The following FRMPD4 variants were observed in gnomAD, a reference collection of about 807,000 sequenced individuals.
FRMPD4 encodes FERM and PDZ domain containing 4, also known as FERM and PDZ domain-containing protein 4.
Under a neutral mutation model 94.1 loss-of-function variants are expected in FRMPD4, and 22 were observed. The ratio of observed to expected loss-of-function variants is 0.23; its 90% CI spans 0.17 to 0.33. The LOEUF is 0.33. FRMPD4 is among the 10% of genes least tolerant of loss of function. FRMPD4 has a pLI of 1.00. For missense variants in FRMPD4, 1,111 were observed against 1,339.9 expected, an observed-to-expected ratio of 0.83 and a Z score of 2.67; for synonymous variants, 631 against 548.6, an observed-to-expected ratio of 1.15 and a Z score of -2.10.
chrX:12,268,938 G>A (rs944281261), intron 1 of FRMPD4, among the ~76,000 whole-genome samples: 2 of 112,193 alleles, frequency 1.8e-5, no homozygotes, highest in Admixed American at 9.4e-5. Flanking sequence ...CATTGAAAAT[G>A]AATTAAATAA....
chrX:12,290,183 G>A (rs925049369), intron 1 of FRMPD4, among the ~76,000 whole-genome samples: 2 of 111,779 alleles, frequency 1.8e-5, no homozygotes, highest in Non-Finnish European at 1.9e-5. Flanking sequence ...GCAAGACAGG[G>A]CTATCAAATA....
intron 2 of FRMPD4, among the ~76,000 whole-genome samples, chrX:12,568,775 T>A (rs1756698918): frequency 8.9e-6 from 1 of 112,204 alleles, no homozygotes; most frequent in Admixed American, 9.5e-5. Flanking sequence ...GTGAAAAGTA[T>A]GGAATTACTT....
chrX:11,971,015 C>T (rs2054337170), intron 3 of FRMPD4, among the ~76,000 whole-genome samples: 1 of 112,305 alleles, frequency 8.9e-6, no homozygotes, highest in Non-Finnish European at 1.9e-5. Context: ...GTGTGTTTCA[C>T]ATAGTTACCA....
intron 2 of FRMPD4, among the ~76,000 whole-genome samples, chrX:12,590,805 C>G (rs763810104): frequency 9.0e-6 from 1 of 111,403 alleles, no homozygotes; most frequent in Non-Finnish European, 1.9e-5. Flanking sequence ...AGTAAAGCTC[C>G]AATTTAGGTA....
chrX:12,285,564 T>C (rs1275344606), intron 1 of FRMPD4, among the ~76,000 whole-genome samples: 1 of 111,625 alleles, frequency 9.0e-6, no homozygotes, highest in Non-Finnish European at 1.9e-5. Context: ...CGTGTGTTCA[T>C]GTAACTTAGG....
intron 3 of FRMPD4, 26 bp downstream of exon 3, chrX:12,609,907 T>C: frequency 1.7e-6 from 2 of 1,174,268 alleles, no homozygotes; most frequent in Non-Finnish European, 2.3e-6. Flanking sequence ...CAGTTCTTGG[T>C]TTCCTGGGAA....
intron 1 of FRMPD4, among the ~76,000 whole-genome samples, chrX:11,844,251 C>T (rs982483323): frequency 1.8e-5 from 2 of 110,005 alleles, no homozygotes; most frequent in South Asian, 4.0e-4. Context: ...CCTGCCTCAG[C>T]CTCCCCAAGT....
intron 3 of FRMPD4, among the ~76,000 whole-genome samples, chrX:12,039,609 A>T (rs1226273697): frequency 9.0e-6 from 1 of 110,911 alleles, no homozygotes; most frequent in African/African-American, 3.3e-5. Flanking sequence ...TATTAAATTT[A>T]TTCAGATTTG....
Position 12,418,398 on chromosome X carries a change from G to T in FRMPD4, c.42-80282G>T, listed in dbSNP as rs188265760. Among the ~76,000 whole-genome samples, 843 of 87,480 alleles carry T rather than the reference G, an allele frequency of 9.6e-3. 3 individuals carry two copies. Among genetic ancestry groups the T allele is most frequent in the Middle Eastern group, 0.029 (4 of 139 alleles). The allele number at this position is 87,480 out of a possible 115,157, so 76.0% of individuals were successfully genotyped here. ...TTTTGAGATAGAGTCTCGCTCTGTT[G>T]CCCAGGCTGGAGTGCAGTGGTGCAA... On this transcript the variant is annotated intron_variant, in intron 1 of 16. Coordinates refer to ENST00000675598, the MANE Select transcript of FRMPD4 (RefSeq NM_001368397.1).
chrX:12,084,339 C>T (rs141716132), intron 3 of FRMPD4, among the ~76,000 whole-genome samples: 1,476 of 111,212 alleles, frequency 0.013, 8 homozygotes, highest in Non-Finnish European at 0.019. Flanking sequence ...CTTTTGCCTC[C>T]TGCCATGATT....
At chrX:11,953,717 T>C (rs1044006310) in intron 3 of FRMPD4, among the ~76,000 whole-genome samples, 1 of 111,579 alleles carries the variant, frequency 9.0e-6, no homozygotes, top group African/African-American at 3.3e-5. Flanking sequence ...GAGCAGGAAA[T>C]GCCTTTCCTT....
chrX:12,680,215 G>A (rs1029733912), intron 5 of FRMPD4, among the ~76,000 whole-genome samples: 1 of 111,684 alleles, frequency 9.0e-6, no homozygotes, highest in Non-Finnish European at 1.9e-5. Context: ...AAATGTACAG[G>A]GGTTGATTAG....
chrX:12,466,584 T>C (rs181185058), intron 1 of FRMPD4, among the ~76,000 whole-genome samples: 4 of 112,292 alleles, frequency 3.6e-5, no homozygotes, highest in East Asian at 2.8e-4. Flanking sequence ...TGAAAATACA[T>C]TGGTTTCTTT....
intron 2 of FRMPD4, among the ~76,000 whole-genome samples, chrX:12,556,445 G>A (rs1214381149): frequency 9.0e-6 from 1 of 111,190 alleles, no homozygotes; most frequent in African/African-American, 3.3e-5. Flanking sequence ...GACTCTAAGA[G>A]CTGAGGGCTT....
At chrX:12,126,507 G>A (rs2055501484) in intron 3 of FRMPD4, among the ~76,000 whole-genome samples, 1 of 111,399 alleles carries the variant, frequency 9.0e-6, no homozygotes, top group South Asian at 3.9e-4. Flanking sequence ...GGTAGTGACT[G>A]CAGGAAGGGT....
intron 1 of FRMPD4, among the ~76,000 whole-genome samples, chrX:11,823,305 A>T (rs72612857): frequency 0.082 from 8,758 of 107,453 alleles, 407 homozygotes; most frequent in East Asian, 0.25. Context: ...TAATAATAAT[A>T]ATTATTATTA....
intron 1 of FRMPD4, among the ~76,000 whole-genome samples, chrX:12,223,844 G>T (rs928621404): frequency 8.9e-6 from 1 of 111,900 alleles, no homozygotes; most frequent in Non-Finnish European, 1.9e-5. Context: ...TACCATTCAG[G>T]TATCTTCTTT....
chrX:12,202,817 A>ATC (rs2056646305), intron 1 of FRMPD4, among the ~76,000 whole-genome samples: 1 of 112,083 alleles, frequency 8.9e-6, no homozygotes, highest in Non-Finnish European at 1.9e-5. Context: ...GATGCCATGT[A>ATC]ACAACAGAGG....
At chrX:12,479,355 T>TATAC (rs374310563) in intron 1 of FRMPD4, among the ~76,000 whole-genome samples, 91 of 96,621 alleles carry the variant, frequency 9.4e-4, no homozygotes, top group Middle Eastern at 5.2e-3. Flanking sequence ...TATATATATA[T>TATAC]ACACACACAC....
Sources: gnomAD v4.1 joint callset for allele counts (sites outside exome capture counted in the v4.1 genomes callset) on GRCh38, gnomAD v4.1.1 for gene constraint, MANE v1.5 for transcripts, NCBI Gene and HGNC (gene_info 2026-07-23, HGNC 2026-07-21) for gene names.